The following FER variants were observed in gnomAD, a reference collection of about 807,000 sequenced individuals.
FER encodes tyrosine-protein kinase Fer.
Under a neutral mutation model 111.0 loss-of-function variants are expected in FER, and 63 were observed. That is an observed-to-expected ratio of 0.57 (90% CI 0.46 to 0.70). The LOEUF (loss-of-function observed/expected upper bound fraction) is 0.70, where lower values mean the gene tolerates loss of function less well. Among genes scored for constraint, FER ranks in the 30% least tolerant of loss-of-function variants. The pLI is 0.00. For synonymous variants in FER, 327 were observed against 313.9 expected (o/e 1.04, Z -0.44); for missense variants, 914 against 954.0 (o/e 0.96, Z 0.55).
intron 11 of FER, among the ~76,000 whole-genome samples, chr5:108,952,472 G>GTGTGTATATACATGTGTATATACACA (rs1757894254): frequency 6.7e-6 from 1 of 149,276 alleles, no homozygotes; most frequent in Admixed American, 6.6e-5. Context: ...CCCTGTGTAT[G>GTGTGTATATACATGTGTATATACACA]TGTGTATATA....
intron 17 of FER, among the ~76,000 whole-genome samples, chr5:109,108,716 G>A (rs1176753586): frequency 6.6e-6 from 1 of 152,116 alleles, no homozygotes. Flanking sequence ...TTATGATAAA[G>A]TAACTCACTT....
At chr5:109,183,981 G>A (rs1301327655) in intron 18 of FER, among the ~76,000 whole-genome samples, 4 of 151,712 alleles carry the variant, frequency 2.6e-5, no homozygotes, top group Non-Finnish European at 5.9e-5. Flanking sequence ...TTTTGTATGT[G>A]TCTCTCTCAT....
At chr5:109,037,693 G>T (rs1770590910) in intron 14 of FER, among the ~76,000 whole-genome samples, 1 of 151,984 alleles carries the variant, frequency 6.6e-6, no homozygotes, top group African/African-American at 2.4e-5. Flanking sequence ...TAACATTTAA[G>T]AATATTATAT....
chr5:109,166,840 T>A (rs1756606597), intron 17 of FER, among the ~76,000 whole-genome samples: 3 of 152,174 alleles, frequency 2.0e-5, no homozygotes, highest in South Asian at 2.1e-4. Flanking sequence ...TGGGCTTCTT[T>A]ACATGGTATC....
intron 2 of FER, among the ~76,000 whole-genome samples, chr5:108,775,914 A>G (rs1580461321): frequency 6.6e-6 from 1 of 152,320 alleles, no homozygotes; most frequent in African/African-American, 2.4e-5. Context: ...TTGTACTTGC[A>G]TGCTTAGTGG....
At chr5:109,111,122 A>G (rs1561907902) in intron 17 of FER, among the ~76,000 whole-genome samples, 1 of 152,208 alleles carries the variant, frequency 6.6e-6, no homozygotes, top group African/African-American at 2.4e-5. Context: ...ATAGTATCCT[A>G]GTTCATAGAC....
In FER at chr5:108,829,681, T is replaced by A. The variant is rs1440692115; in HGVS notation, c.208-3089T>A. Among the ~76,000 whole-genome samples the A allele has an allele frequency of 2.6e-5, 4 of 152,136 alleles. No homozygotes were observed. The East Asian group carries it at 7.7e-4, about 29-fold the overall frequency. On this transcript the variant is annotated intron_variant, in intron 3 of 19. Transcript: ENST00000281092. ...GTCACTTTTATGGCATGTATTTAAT[T>A]CATGGTTTTATTCTACATTCCTCCT...
intron 13 of FER, among the ~76,000 whole-genome samples, chr5:108,991,474 GA>G (rs1290327886): frequency 1.2e-4 from 19 of 152,042 alleles, no homozygotes; most frequent in African/African-American, 3.4e-4. Context: ...ATAATTTAAT[GA>G]AAAGATGTAT....
rs766702172 is a variant in FER, at chr5:108,927,252, C to CTTTTTTTTTTTTTTTTTTTTTTTTT, written c.1237-18859_1237-18858insTTTTTTTTTTTTTTTTTTTTTTTTT. 7.6e-4 allele frequency among the ~76,000 whole-genome samples: 72 copies of CTTTTTTTTTTTTTTTTTTTTTTTTT among 95,232 alleles called. 20 individuals are homozygous for CTTTTTTTTTTTTTTTTTTTTTTTTT. The highest frequency in any genetic ancestry group is 2.4e-3 in the African/African-American group (41 of 17,260). 62.5% of individuals were successfully genotyped at this position (95,232 alleles called of 152,430 possible). On this transcript the variant is annotated intron_variant, in intron 10 of 19. Transcript: ENST00000281092. The stretch of plus-strand genomic sequence containing the variant: ...TGTAATTCAGCATTGAGAAGTGGCT[C>CTTTTTTTTTTTTTTTTTTTTTTTTT]TTTTTTTTTTTTTTTTTTTGAGACG...
intron 17 of FER, among the ~76,000 whole-genome samples, chr5:109,154,895 G>T (rs769016295): frequency 2.6e-5 from 4 of 151,958 alleles, no homozygotes; most frequent in African/African-American, 9.6e-5. Context: ...CAGTGGCTTC[G>T]TGTATAAAAC....
intron 10 of FER, among the ~76,000 whole-genome samples, chr5:108,915,135 A>G (rs988277752): frequency 6.6e-6 from 1 of 152,204 alleles, no homozygotes; most frequent in Non-Finnish European, 1.5e-5. Context: ...GTCTTTTGAG[A>G]GATTTGGTTA....
intron 8 of FER, among the ~76,000 whole-genome samples, chr5:108,879,583 T>C (rs1765430642): frequency 6.6e-6 from 1 of 151,374 alleles, no homozygotes; most frequent in African/African-American, 2.4e-5. Context: ...CTGTAATTAC[T>C]CAAATGTTTT....
rs574593695 is a variant in FER, at chr5:108,924,462, C to T, written c.1237-21668C>T. The T allele has an allele frequency of 1.1e-3, 465 of 438,736 alleles. 2 individuals are homozygous for T. The highest frequency in any genetic ancestry group is 2.5e-3 in the Admixed American group (52 of 21,128). The allele number at this position is 438,736 out of a possible 1,614,324, so 27.2% of individuals were successfully genotyped here. A position where few individuals can be genotyped will look rare whatever the true frequency, so the allele number is the denominator to read the frequency against. On this transcript the variant is annotated intron_variant, in intron 10 of 19. Transcript: ENST00000281092. ...GGATTTTCCGTTTGTTGCTCGAAAA[C>T]GCAACATTTGTTGGCTGTATCTGTT... is the stretch of plus-strand genomic sequence containing the variant.
intron 8 of FER, among the ~76,000 whole-genome samples, chr5:108,873,138 T>C (rs994488179): frequency 2.0e-5 from 3 of 152,138 alleles, no homozygotes; most frequent in African/African-American, 7.2e-5. Context: ...TTTTTGTTTT[T>C]TTAATTTTAT....
At chr5:109,129,459 C>T (rs1752113721) in intron 17 of FER, among the ~76,000 whole-genome samples, 1 of 151,966 alleles carries the variant, frequency 6.6e-6, no homozygotes, top group Non-Finnish European at 1.5e-5. Context: ...ATTAAAACCT[C>T]CTCGAATTTC....
intron 2 of FER, among the ~76,000 whole-genome samples, chr5:108,774,737 AG>A (rs1015205712): frequency 6.6e-6 from 1 of 150,996 alleles, no homozygotes; most frequent in East Asian, 2.0e-4. Flanking sequence ...CACTTTTAGA[AG>A]GGTTTTTTTT....
chr5:108,829,122 T>C (rs1448234089), intron 3 of FER, among the ~76,000 whole-genome samples: 1 of 152,234 alleles, frequency 6.6e-6, no homozygotes, highest in African/African-American at 2.4e-5. Flanking sequence ...ATTAACATTT[T>C]ACTCTCCTCT....
chr5:109,183,829 T>A (rs1282140240), intron 18 of FER, among the ~76,000 whole-genome samples: 1 of 152,184 alleles, frequency 6.6e-6, no homozygotes, highest in Non-Finnish European at 1.5e-5. Flanking sequence ...AAGTGTTGTT[T>A]TTGTATATTT....
intron 13 of FER, among the ~76,000 whole-genome samples, chr5:109,023,037 T>C (rs72790546): frequency 0.11 from 16,843 of 152,090 alleles, 1,034 homozygotes; most frequent in Non-Finnish European, 0.14. Flanking sequence ...TTCTTATGTG[T>C]AAAATGTATG....
Sources: gnomAD v4.1 joint callset for allele counts (sites outside exome capture counted in the v4.1 genomes callset) on GRCh38, gnomAD v4.1.1 for gene constraint, MANE v1.5 for transcripts, NCBI Gene and HGNC (gene_info 2026-07-23, HGNC 2026-07-21) for gene names.